Variants in E4F1 observed in about 807,000 individuals in gnomAD.
E4F1 encodes the protein E4F transcription factor 1.
E4F1 carries 30 observed loss-of-function variants against 72.9 expected under a neutral mutation model. The observed-to-expected ratio is 0.41, with a 90% CI of 0.31 to 0.56. The LOEUF (loss-of-function observed/expected upper bound fraction) is 0.56, where lower values mean the gene tolerates loss of function less well. Among genes scored for constraint, E4F1 ranks in the 20% least tolerant of loss-of-function variants. The pLI is 0.25. For synonymous variants in E4F1, 542 were observed against 478.2 expected (o/e 1.13, Z -1.74); for missense variants, 1,091 against 1,117.5 (o/e 0.98, Z 0.34).
intron 1 of E4F1, 27 bp downstream of exon 1, chr16:2,223,797 G>A (rs1198755557): frequency 6.5e-7 from 1 of 1,534,514 alleles, no homozygotes; most frequent in Admixed American, 2.0e-5. Flanking sequence ...GGAGGGTGCG[G>A]CCGGGGTGCG....
At chr16:2,227,050 G>C (rs1272897410) in intron 1 of E4F1, among the ~76,000 whole-genome samples, 1 of 152,184 alleles carries the variant, frequency 6.6e-6, no homozygotes, top group Non-Finnish European at 1.5e-5. Context: ...TTTTGTTTTT[G>C]TTTCTTTTAA....
At chr16:2,223,865 C>T (rs1460184875) in intron 1 of E4F1, 95 bp downstream of exon 1, 1 of 1,531,014 alleles carries the variant, frequency 6.5e-7, no homozygotes, top group Non-Finnish European at 8.7e-7. Context: ...GCTCGACCGA[C>T]CCTCCCAGAC....
intron 1 of E4F1, among the ~76,000 whole-genome samples, chr16:2,225,296 T>C (rs1312376041): frequency 6.6e-6 from 1 of 151,818 alleles, no homozygotes; most frequent in Non-Finnish European, 1.5e-5. Context: ...ACTGAGAGCT[T>C]TTGGAGATGG....
At chr16:2,230,997 C>A (rs1311274128) in intron 3 of E4F1, 2 of 152,522 alleles carry the variant, frequency 1.3e-5, no homozygotes, top group South Asian at 2.1e-4. Context: ...GCTTCAGCAG[C>A]CCCTCTTGGC....
At position 2,235,162 on chromosome 16, in the gene E4F1, G is replaced by A. The variant is rs201269196; in HGVS notation, c.1998+19G>A. ...GACAGAGGTGAGGGGTAGGGCAGGCGGGGGCGGGGAGGCTCCCTGGCACAG... is the reference window on the plus strand; with the variant it reads ...GACAGAGGTGAGGGGTAGGGCAGGCAGGGGCGGGGAGGCTCCCTGGCACAG... On this transcript the variant is annotated intron_variant, in intron 13 of 13. Coordinates refer to ENST00000301727, the MANE Select transcript of E4F1 (RefSeq NM_004424.5). 166 of 1,611,444 alleles carry A rather than the reference G, an allele frequency of 1.0e-4. 1 individual carries two copies. In the East Asian group the frequency reaches 3.4e-3, roughly 33 times the overall value.
chr16:2,226,724 G>A (rs2093434874), intron 1 of E4F1, among the ~76,000 whole-genome samples: 1 of 152,240 alleles, frequency 6.6e-6, no homozygotes, highest in Non-Finnish European at 1.5e-5. Flanking sequence ...CCTAGGATGG[G>A]AATAGTTCTC....
chr16:2,234,638 A>G lies in E4F1; in HGVS notation c.1649A>G (p.Gln550Arg). The part of the protein sequence containing the change: ...THLEEKPHVC[Q>R]FCSRGFREKG... ...CTGGAGGAGAAGCCGCACGTGTGCC[A>G]GTTCTGCAGCCGTGGCTTCCGAGAG... Residue 550 changes from glutamine to arginine, a missense_variant, in exon 11 of 14, where the codon CAG (glutamine) becomes CGG (arginine). Gln to Arg is a conservative substitution (Grantham distance 43). Coordinates refer to ENST00000301727, the MANE Select transcript of E4F1 (RefSeq NM_004424.5). The G allele has an allele frequency of 3.1e-6, 5 of 1,601,542 alleles. No homozygotes were observed. Among genetic ancestry groups the G allele is most frequent in the Non-Finnish European group, 4.3e-6 (5 of 1,174,470 alleles).
intron 1 of E4F1, among the ~76,000 whole-genome samples, chr16:2,226,671 C>T (rs1025510243): frequency 1.2e-4 from 18 of 152,228 alleles, no homozygotes; most frequent in Non-Finnish European, 2.2e-4. Context: ...GGTACTGTCC[C>T]TGACACTCAG....
Position 2,232,203 on chromosome 16 carries a change from G to C in E4F1, c.448G>C (p.Ala150Pro). 6.2e-7 allele frequency: 1 copy of C among 1,612,646 alleles called. No homozygotes were observed. Reference protein sequence around the residue: ...GGHIKEVIVAAEAELGDGEMA... With the variant: ...GGHIKEVIVAPEAELGDGEMA... ...GCACATCAAAGAGGTCATCGTGGCT[G>C]CTGAGGCGGAGCTGGGAGACGGTGA... Residue 150 changes from alanine to proline, a missense_variant, in exon 4 of 14, where the codon GCT (alanine) becomes CCT (proline). Transcript: ENST00000301727.
rs200467051 is a variant in E4F1, at chr16:2,235,023, C to T, written c.1935+22C>T. 1.3e-4 allele frequency: 203 copies of T among 1,611,842 alleles called. 2 individuals are homozygous for T. The highest frequency in any genetic ancestry group is 4.8e-4 in the Admixed American group (29 of 59,934). ...CGAGGTGGGTGTGGGGCCCTGGGGCCGTGCTGGGACCCAGGGGCAGCCAAG... is the reference window on the plus strand; with the variant it reads ...CGAGGTGGGTGTGGGGCCCTGGGGCTGTGCTGGGACCCAGGGGCAGCCAAG... On this transcript the variant is annotated intron_variant, in intron 12 of 13. Coordinates refer to ENST00000301727, the MANE Select transcript of E4F1 (RefSeq NM_004424.5).
chr16:2,234,285 G>A lies in E4F1; in HGVS notation c.1490G>A (p.Gly497Glu), dbSNP rs2093488567. The change falls in exon 10 of 14, where the codon GGG (glycine) becomes GAG (glutamate). Residue 497 changes from glycine (G) to glutamate (E), a missense_variant. By Grantham distance (98) the Gly-to-Glu change is moderately conservative. This residue lies in a region of E4F1 where 622 missense variants were observed against 628.0 expected (regional missense o/e 0.99). Transcript: ENST00000301727. ...RERRFRCGDC[G>E]KLYKTIAHVR... ...CGCCGCTTCCGCTGTGGCGACTGCG[G>A]GAAGCTCTACAAGACCATTGCCCAT... 1 of 1,612,982 alleles carries A rather than the reference G, an allele frequency of 6.2e-7. No individual in the cohort carries two copies.
intron 2 of E4F1, among the ~76,000 whole-genome samples, chr16:2,229,368 G>A (rs568055470): frequency 2.0e-5 from 3 of 152,336 alleles, no homozygotes; most frequent in East Asian, 1.9e-4. Flanking sequence ...CTGGCCCGGG[G>A]GTGAAGGGAT....
chr16:2,233,723 C>A, intron 8 of E4F1, 76 bp downstream of exon 8: 1 of 1,476,350 alleles, frequency 6.8e-7, no homozygotes, highest in Non-Finnish European at 9.1e-7. Flanking sequence ...CCTTCGCCTC[C>A]CTGAAGTGGC....
Position 2,223,662 on chromosome 16 carries a change from G to A in E4F1, c.49G>A (p.Ala17Thr). The A allele has an allele frequency of 6.3e-7, 1 of 1,586,784 alleles. No individual in the cohort carries two copies. Among genetic ancestry groups the A allele is most frequent in the South Asian group, 1.1e-5 (1 of 89,716 alleles). Residue 17 changes from alanine (A) to threonine (T), a missense_variant, in exon 1 of 14, where the codon GCC becomes ACC. This residue lies in a region of E4F1 where 362 missense variants were observed against 358.6 expected (regional missense o/e 1.01). Coordinates refer to ENST00000301727, the MANE Select transcript of E4F1 (RefSeq NM_004424.5). ...VRVTAAHTAE[A>T]QAEAGREAGE... The stretch of plus-strand genomic sequence containing the variant: ...GGTGACGGCCGCTCATACGGCAGAA[G>A]CCCAGGCCGAAGCCGGGCGGGAAGC...
chr16:2,234,786 G>A lies in E4F1; in HGVS notation c.1792+5G>A. The A allele has an allele frequency of 6.5e-7, 1 of 1,546,496 alleles. No homozygotes were observed. The highest frequency in any genetic ancestry group is 8.7e-7 in the Non-Finnish European group (1 of 1,145,440). ...ACCGGCACCTGCGCACCAAAGGTCT[G>A]GGCCGGTGGAGGTGGGAGGGGGAGG... On this transcript the variant is annotated splice_donor_5th_base_variant and intron_variant, in intron 11 of 13. Coordinates refer to ENST00000301727, the MANE Select transcript of E4F1 (RefSeq NM_004424.5).
chr16:2,233,093 C>T lies in E4F1; in HGVS notation c.966C>T (p.His322=), dbSNP rs765497258. 6.8e-6 allele frequency: 11 copies of T among 1,612,726 alleles called. No individual in the cohort carries two copies. The highest frequency in any genetic ancestry group is 8.5e-6 in the Non-Finnish European group (10 of 1,179,600). The change falls in exon 7 of 14, where the codon CAC becomes CAT. Residue 322 remains histidine, a synonymous_variant. Coordinates refer to ENST00000301727, the MANE Select transcript of E4F1 (RefSeq NM_004424.5). ...GEPIETSPVI[H]LVTDAKGTVI... ...CTATAGAGACTTCACCCGTGATTCA[C>T]CTGGTGACAGATGCCAAGGGCACCG...
Position 2,235,574 on chromosome 16 carries a change from A to G in E4F1, c.*2A>G. The G allele has an allele frequency of 6.3e-7, 1 of 1,587,054 alleles. No individual in the cohort carries two copies. The highest frequency in any genetic ancestry group is 2.3e-5 in the East Asian group (1 of 44,132). On this transcript the variant is annotated 3_prime_UTR_variant, in exon 14 of 14. Coordinates refer to ENST00000301727, the MANE Select transcript of E4F1 (RefSeq NM_004424.5). ...GAGGTGCAGACGGTCATCGTCTAGC[A>G]TGAGGTCTGCGGGGTCCTGGCCGGG...
Position 2,232,447 on chromosome 16 carries a change from C to G in E4F1, c.610-9C>G. On this transcript the variant is annotated splice_polypyrimidine_tract_variant and intron_variant, in intron 4 of 13. Transcript: ENST00000301727. ...GGAGGGCCCTGAGCTGCCACGCCCTCCCCCACAGGGCAGCATCCTCAAGGC... is the reference window on the plus strand; with the variant it reads ...GGAGGGCCCTGAGCTGCCACGCCCTGCCCCACAGGGCAGCATCCTCAAGGC... 6.2e-7 allele frequency: 1 copy of G among 1,609,866 alleles called. No homozygotes were observed. Among genetic ancestry groups the G allele is most frequent in the East Asian group, 2.2e-5 (1 of 44,742 alleles).
Position 2,234,711 on chromosome 16 carries a change from G to C in E4F1, c.1722G>C (p.Pro574=), listed in dbSNP as rs749988881. The C allele has an allele frequency of 6.4e-7, 1 of 1,566,618 alleles. No individual in the cohort carries two copies. The highest frequency in any genetic ancestry group is 8.7e-7 in the Non-Finnish European group (1 of 1,155,766). The part of the protein sequence containing the change: ...RHVRHHTGEK[P]FKCYKCGRGF... Reference sequence around the variant, plus strand: ...TGCGACACCACACAGGCGAGAAGCCGTTCAAGTGCTACAAGTGCGGCCGTG... The same window carrying C: ...TGCGACACCACACAGGCGAGAAGCCCTTCAAGTGCTACAAGTGCGGCCGTG... The change falls in exon 11 of 14, where the codon CCG becomes CCC. Residue 574 remains proline (P), a synonymous_variant. Transcript: ENST00000301727.
Sources: allele counts gnomAD v4.1 joint callset (sites outside exome capture counted in the v4.1 genomes callset), GRCh38; gene constraint gnomAD v4.1.1; regional missense constraint gnomAD v4.1.1; transcripts MANE v1.5; gene names NCBI Gene and HGNC (gene_info 2026-07-23, HGNC 2026-07-21).